ZFR: variants seen among roughly 807,000 people sequenced by gnomAD.
The protein encoded by ZFR is zinc finger RNA binding protein.
Under a neutral mutation model 130.7 loss-of-function variants are expected in ZFR, and 19 were observed. The ratio of observed to expected loss-of-function variants is 0.15; its 90% CI spans 0.10 to 0.21. The LOEUF is 0.21. Among genes scored for constraint, ZFR ranks in the 10% least tolerant of loss-of-function variants. The pLI is 1.00. For synonymous variants in ZFR, 466 were observed against 456.9 expected, an observed-to-expected ratio of 1.02 and a Z score of -0.25; for missense variants, 872 against 1,321.5, an observed-to-expected ratio of 0.66 and a Z score of 5.27.
intron 2 of ZFR, among the ~76,000 whole-genome samples, chr5:32,422,989 T>G (rs1202970837): frequency 6.6e-6 from 1 of 151,714 alleles, no homozygotes; most frequent in Non-Finnish European, 1.5e-5. Flanking sequence ...CAACAAAAAG[T>G]GAGCCAGGGA....
chr5:32,377,213 T>TC (rs1347420662), intron 17 of ZFR, among the ~76,000 whole-genome samples: 2 of 136,356 alleles, frequency 1.5e-5, no homozygotes, highest in Non-Finnish European at 3.4e-5. Flanking sequence ...TTTATTTCTC[T>TC]TTCTCTCTCT....
chr5:32,427,048 A>G (rs1346558491), intron 2 of ZFR, among the ~76,000 whole-genome samples: 2 of 152,176 alleles, frequency 1.3e-5, no homozygotes, highest in African/African-American at 2.4e-5. Flanking sequence ...AGGATACAAA[A>G]ATCAGTTGCA....
At chr5:32,418,084 C>A (rs1490423550) in intron 3 of ZFR, among the ~76,000 whole-genome samples, 2 of 152,036 alleles carry the variant, frequency 1.3e-5, no homozygotes, top group African/African-American at 4.8e-5. Flanking sequence ...CACGGTGAGA[C>A]CCCGTCTCTA....
chr5:32,370,673 G>T (rs1752651974), intron 17 of ZFR, among the ~76,000 whole-genome samples: 1 of 152,060 alleles, frequency 6.6e-6, no homozygotes, highest in Admixed American at 6.5e-5. Context: ...CATTGTGCTA[G>T]GTCTATAATA....
intron 2 of ZFR, among the ~76,000 whole-genome samples, chr5:32,430,682 C>CATAA (rs1211572212): frequency 2.0e-5 from 3 of 152,106 alleles, no homozygotes; most frequent in Non-Finnish European, 4.4e-5. Flanking sequence ...AAGAAAAACT[C>CATAA]TTATGAGCAG....
chr5:32,379,723 A>T (rs538264701), intron 16 of ZFR: 1 of 198,712 alleles, frequency 5.0e-6, no homozygotes, highest in South Asian at 1.0e-4. Flanking sequence ...CTTTAAACAC[A>T]TATTCCATTA....
At chr5:32,437,520 C>T (rs978823738) in intron 2 of ZFR, among the ~76,000 whole-genome samples, 1 of 152,164 alleles carries the variant, frequency 6.6e-6, no homozygotes, top group African/African-American at 2.4e-5. Context: ...AGAACAATCA[C>T]TCTAATCCTG....
At chr5:32,374,364 G>T (rs867064172) in intron 17 of ZFR, among the ~76,000 whole-genome samples, 1 of 152,120 alleles carries the variant, frequency 6.6e-6, no homozygotes, top group South Asian at 2.1e-4. Flanking sequence ...TCAGCCAGGC[G>T]TGGTGGTGCA....
In ZFR at chr5:32,378,466, C is replaced by T. The variant is rs530569684; in HGVS notation, c.2835+649G>A. Among the ~76,000 whole-genome samples the T allele has an allele frequency of 2.6e-5, 4 of 152,208 alleles. No homozygotes were observed. The South Asian group carries it at 8.3e-4, about 32-fold the overall frequency. On this transcript the variant is annotated intron_variant, in intron 17 of 19. Transcript: ENST00000265069. ...CCTATTAACTCTCATTAATTAAACTCTGGAGTCAATAGGTTGTTTTATTTT... is the reference window on the plus strand; with the variant it reads ...CCTATTAACTCTCATTAATTAAACTTTGGAGTCAATAGGTTGTTTTATTTT...
intron 10 of ZFR, among the ~76,000 whole-genome samples, chr5:32,396,773 CTGATT>C (rs996232443): frequency 6.6e-6 from 1 of 152,030 alleles, no homozygotes; most frequent in Admixed American, 6.6e-5. Context: ...AATACAATAT[CTGATT>C]TATCTTAACA....
chr5:32,408,488 T>G (rs548347379), intron 5 of ZFR, among the ~76,000 whole-genome samples: 1 of 152,200 alleles, frequency 6.6e-6, no homozygotes, highest in Non-Finnish European at 1.5e-5. Context: ...ATATCTGTTA[T>G]AAAGATATTA....
intron 5 of ZFR, among the ~76,000 whole-genome samples, chr5:32,409,383 T>C (rs902680901): frequency 2.0e-5 from 3 of 152,154 alleles, no homozygotes; most frequent in Admixed American, 1.3e-4. Flanking sequence ...GTTGTTAAGC[T>C]GTACTGAGTT....
intron 3 of ZFR, 73 bp from the exon 4 acceptor site, chr5:32,417,865 T>G: frequency 6.9e-7 from 1 of 1,454,912 alleles, no homozygotes; most frequent in Non-Finnish European, 9.4e-7. Context: ...TGTATAGAAG[T>G]GCAATAAAGG....
chr5:32,417,370 A>T (rs1753850895), intron 4 of ZFR, among the ~76,000 whole-genome samples: 1 of 152,184 alleles, frequency 6.6e-6, no homozygotes, highest in Non-Finnish European at 1.5e-5. Flanking sequence ...CAAAGATAAA[A>T]ATGTGTTCAG....
chr5:32,427,353 C>T (rs559738423), intron 2 of ZFR, among the ~76,000 whole-genome samples: 21 of 103,412 alleles, frequency 2.0e-4, no homozygotes, highest in African/African-American at 8.2e-4. Flanking sequence ...CCAGTCTGGG[C>T]AACACAGCAA....
intron 2 of ZFR, among the ~76,000 whole-genome samples, chr5:32,437,481 T>G (rs960317791): frequency 6.6e-6 from 1 of 152,324 alleles, no homozygotes; most frequent in African/African-American, 2.4e-5. Flanking sequence ...GTACATGGCT[T>G]TCATGAAATA....
chr5:32,405,647 A>G (rs12520052), intron 6 of ZFR, among the ~76,000 whole-genome samples: 95,160 of 152,002 alleles, frequency 0.63, 30,182 homozygotes, highest in African/African-American at 0.72. Context: ...AACATAGAGT[A>G]GGAAATGCTC....
chr5:32,439,606 G>A (rs1754414624), intron 2 of ZFR, among the ~76,000 whole-genome samples: 1 of 151,882 alleles, frequency 6.6e-6, no homozygotes, highest in Admixed American at 6.6e-5. Flanking sequence ...CTATGTCCAA[G>A]GTTTTTCTAA....
intron 15 of ZFR, among the ~76,000 whole-genome samples, chr5:32,381,508 G>A (rs1581687572): frequency 1.3e-5 from 2 of 151,756 alleles, no homozygotes; most frequent in Admixed American, 6.6e-5. Context: ...TTTAATAATC[G>A]AATATATAAA....
Sources: gnomAD v4.1 joint callset for allele counts (sites outside exome capture counted in the v4.1 genomes callset) on GRCh38, gnomAD v4.1.1 for gene constraint, MANE v1.5 for transcripts, NCBI Gene and HGNC (gene_info 2026-07-23, HGNC 2026-07-21) for gene names.